SEZ6L: variants seen among roughly 807,000 people sequenced by gnomAD.
The protein encoded by SEZ6L is seizure related 6 homolog like.
SEZ6L carries 37 observed loss-of-function variants against 106.2 expected under a neutral mutation model. The ratio of observed to expected loss-of-function variants is 0.35; its 90% CI spans 0.27 to 0.46. The LOEUF (loss-of-function observed/expected upper bound fraction) is 0.46. Among genes scored for constraint, SEZ6L ranks in the 20% least tolerant of loss-of-function variants. SEZ6L has a pLI of 1.00. For synonymous variants in SEZ6L, 541 were observed against 570.4 expected (o/e 0.95, Z 0.73); for missense variants, 1,172 against 1,332.8 (o/e 0.88, Z 1.88).
In SEZ6L at chr22:26,292,886, C is replaced by T. The variant is rs138721720; in HGVS notation, c.575C>T (p.Ala192Val). 14 of 1,614,036 alleles carry T rather than the reference C, an allele frequency of 8.7e-6. No homozygotes were observed. The highest frequency in any genetic ancestry group is 2.7e-5 in the African/African-American group (2 of 74,930). Residue 192 changes from alanine to valine, a missense_variant, in exon 2 of 17, where the codon GCG becomes GTG. By Grantham distance (64) the Ala-to-Val change is moderately conservative. Around this residue, in one of 4 missense-constraint regions of SEZ6L, gnomAD observed 494 missense variants for 445.8 expected, o/e 1.11. Transcript: ENST00000248933. ...VPLWLDRKES[A>V]VPTTPAPLQI... ...CTTTGGCTGGACCGAAAGGAGAGTG[C>T]GGTCCCTACAACACCCGCACCCCTG...
At chr22:26,343,449 C>T (rs2082909549) in intron 10 of SEZ6L, among the ~76,000 whole-genome samples, 1 of 151,960 alleles carries the variant, frequency 6.6e-6, no homozygotes, top group African/African-American at 2.4e-5. Context: ...GAAGTTGAAA[C>T]TTTTTGTGAT....
rs1374672479 is a variant in SEZ6L at position 26,269,540 on chromosome 22, TTG to T, written c.95-22865_95-22864del. ...GCATTTTCTGTGTCCCTCTGGAAAT[TTG>T]AGGTTAATCCCAATCTTCGACGCAC... On this transcript the variant is annotated intron_variant, in intron 1 of 16. Coordinates refer to ENST00000248933, the MANE Select transcript of SEZ6L (RefSeq NM_021115.5). Among the ~76,000 whole-genome samples the T allele has an allele frequency of 4.6e-5, 7 of 152,290 alleles. No individual in the cohort carries two copies. The East Asian group carries it at 1.4e-3, about 29-fold the overall frequency.
chr22:26,356,723 C>A (rs933549580), intron 12 of SEZ6L, among the ~76,000 whole-genome samples: 4 of 151,296 alleles, frequency 2.6e-5, no homozygotes, highest in Admixed American at 6.6e-5. Context: ...ATGTGTATAC[C>A]CGTTGGGCTG....
intron 6 of SEZ6L, among the ~76,000 whole-genome samples, chr22:26,309,776 A>T (rs1311281782): frequency 6.6e-6 from 1 of 152,056 alleles, no homozygotes; most frequent in East Asian, 1.9e-4. Context: ...ACGGGGTTTC[A>T]CCATGTTGGC....
At chr22:26,255,099 A>G (rs943376782) in intron 1 of SEZ6L, among the ~76,000 whole-genome samples, 2 of 152,190 alleles carry the variant, frequency 1.3e-5, no homozygotes, top group Admixed American at 6.5e-5. Context: ...CACTTTATTG[A>G]GGTGTAACGG....
chr22:26,222,025 A>C (rs1370704382), intron 1 of SEZ6L, among the ~76,000 whole-genome samples: 1 of 152,194 alleles, frequency 6.6e-6, no homozygotes, highest in South Asian at 2.1e-4. Flanking sequence ...TATCAATAGA[A>C]GAGAAGACAG....
At chr22:26,242,436 T>G (rs149420004) in intron 1 of SEZ6L, among the ~76,000 whole-genome samples, 1 of 152,174 alleles carries the variant, frequency 6.6e-6, no homozygotes, top group Non-Finnish European at 1.5e-5. Context: ...GGGATAATGA[T>G]AGTAAGTCCA....
chr22:26,247,190 G>C (rs2079385082), intron 1 of SEZ6L, among the ~76,000 whole-genome samples: 1 of 152,134 alleles, frequency 6.6e-6, no homozygotes, highest in Non-Finnish European at 1.5e-5. Flanking sequence ...TTGTAGGGCA[G>C]GTAGGTCCCA....
In SEZ6L at chr22:26,340,582, C is replaced by T; in HGVS notation, c.2162C>T (p.Pro721Leu). 6.2e-7 allele frequency: 1 copy of T among 1,614,182 alleles called. No individual in the cohort carries two copies. The highest frequency in any genetic ancestry group is 8.5e-7 in the Non-Finnish European group (1 of 1,180,030). The part of the protein sequence containing the change: ...PDLTIQFHSD[P>L]AGLIFGKGQG... Reference sequence around the variant, plus strand: ...TTAACCATCCAGTTCCATTCGGACCCTGCTGGCCTCATCTTTGGAAAGGGC... The same window carrying T: ...TTAACCATCCAGTTCCATTCGGACCTTGCTGGCCTCATCTTTGGAAAGGGC... Residue 721 changes from proline to leucine, a missense_variant, in exon 10 of 17, where the codon CCT becomes CTT. Coordinates refer to ENST00000248933, the MANE Select transcript of SEZ6L (RefSeq NM_021115.5).
chr22:26,240,544 A>G (rs567925196), intron 1 of SEZ6L, among the ~76,000 whole-genome samples: 1 of 152,326 alleles, frequency 6.6e-6, no homozygotes, highest in South Asian at 2.1e-4. Context: ...CAGTGGACAC[A>G]AAATTGCTTG....
intron 1 of SEZ6L, among the ~76,000 whole-genome samples, chr22:26,237,352 G>A (rs924228147): frequency 6.6e-6 from 1 of 152,148 alleles, no homozygotes; most frequent in African/African-American, 2.4e-5. Context: ...CTGGTGCAAC[G>A]TCTCACAAAT....
At chr22:26,348,072 G>A (rs2083070188) in intron 11 of SEZ6L, among the ~76,000 whole-genome samples, 159 bp downstream of exon 11, 1 of 152,170 alleles carries the variant, frequency 6.6e-6, no homozygotes, top group Admixed American at 6.5e-5. Flanking sequence ...TTTTATAGCT[G>A]TCAGTGGAAT....
intron 9 of SEZ6L, among the ~76,000 whole-genome samples, chr22:26,320,107 T>C (rs2082113722): frequency 6.6e-6 from 1 of 151,454 alleles, no homozygotes; most frequent in Non-Finnish European, 1.5e-5. Flanking sequence ...AAGTAGGAGG[T>C]CTCCCCAAGA....
intron 13 of SEZ6L, among the ~76,000 whole-genome samples, chr22:26,372,289 G>A (rs1472806918): frequency 6.6e-6 from 1 of 152,190 alleles, no homozygotes; most frequent in Non-Finnish European, 1.5e-5. Context: ...TGAGCACAGG[G>A]CTCCAAGGAA....
At chr22:26,333,211 G>A (rs1401450560) in intron 9 of SEZ6L, among the ~76,000 whole-genome samples, 1 of 152,224 alleles carries the variant, frequency 6.6e-6, no homozygotes, top group African/African-American at 2.4e-5. Flanking sequence ...GGTCAAGGTG[G>A]GGAAGGAGAG....
rs1307116803 is a variant in SEZ6L at position 26,293,047 on chromosome 22, G to T, written c.736G>T (p.Gly246Cys). The T allele has an allele frequency of 1.9e-6, 3 of 1,614,044 alleles. No individual in the cohort carries two copies. The highest frequency in any genetic ancestry group is 1.7e-5 in the Admixed American group (1 of 60,026). The change falls in exon 2 of 17, where the codon GGT becomes TGT. Residue 246 changes from glycine to cysteine, a missense_variant. Gly to Cys is a radical substitution (Grantham distance 159). Transcript: ENST00000248933. ...DTSPMALMDK[G>C]ENELTGSASE... ...CAGCCCCATGGCCCTGATGGACAAA[G>T]GTGAGAATGAGCTGACTGGGTCAGC... is the stretch of plus-strand genomic sequence containing the variant.
chr22:26,276,884 A>G (rs1268053797), intron 1 of SEZ6L, among the ~76,000 whole-genome samples: 1 of 152,216 alleles, frequency 6.6e-6, no homozygotes, highest in Non-Finnish European at 1.5e-5. Context: ...TAAAGATACA[A>G]GGGTAAGATC....
At chr22:26,198,130 C>T (rs966217098) in intron 1 of SEZ6L, among the ~76,000 whole-genome samples, 1 of 152,188 alleles carries the variant, frequency 6.6e-6, no homozygotes, top group Non-Finnish European at 1.5e-5. Flanking sequence ...GTGTACAAAT[C>T]AGACACAACT....
intron 12 of SEZ6L, among the ~76,000 whole-genome samples, chr22:26,360,448 TATGCCCGG>T (rs1316832745): frequency 6.6e-6 from 1 of 152,246 alleles, no homozygotes; most frequent in Admixed American, 6.5e-5. Flanking sequence ...CTCATCATTG[TATGCCCGG>T]CGCATACAAT....
Sources: allele counts gnomAD v4.1 joint callset (sites outside exome capture counted in the v4.1 genomes callset), GRCh38; gene constraint gnomAD v4.1.1; regional missense constraint gnomAD v4.1.1; transcripts MANE v1.5; gene names NCBI Gene and HGNC (gene_info 2026-07-23, HGNC 2026-07-21).